The following GNAI1 variants were observed in gnomAD, a reference collection of about 807,000 sequenced individuals.
GNAI1 encodes the protein G protein subunit alpha i1, also known as guanine nucleotide-binding protein G(i) subunit alpha-1.
Under a neutral mutation model 38.9 loss-of-function variants are expected in GNAI1, and 11 were observed. That is an observed-to-expected ratio of 0.28 (90% CI 0.18 to 0.47). GNAI1 has a LOEUF of 0.47. Among genes scored for constraint, GNAI1 ranks in the 20% least tolerant of loss-of-function variants. The pLI is 0.99. For synonymous variants in GNAI1, 166 were observed against 145.1 expected (o/e 1.14, Z -1.04); for missense variants, 317 against 436.9 (o/e 0.73, Z 2.45).
chr7:80,167,583 A>G (rs1168056574), intron 1 of GNAI1, among the ~76,000 whole-genome samples: 5 of 152,226 alleles, frequency 3.3e-5, no homozygotes, highest in African/African-American at 1.2e-4. Context: ...CCCATCTGCA[A>G]TATATTAGAG....
chr7:80,177,591 C>G (rs1377426065), intron 1 of GNAI1, among the ~76,000 whole-genome samples: 1 of 152,120 alleles, frequency 6.6e-6, no homozygotes, highest in Non-Finnish European at 1.5e-5. Flanking sequence ...AGGTGATTCT[C>G]CCTCCATAGC....
intron 5 of GNAI1, among the ~76,000 whole-genome samples, chr7:80,208,679 G>A (rs531995956): frequency 6.6e-5 from 10 of 152,232 alleles, no homozygotes; most frequent in East Asian, 1.9e-4. Flanking sequence ...TTCCCTGTGC[G>A]TCTGGTTCCA....
intron 1 of GNAI1, among the ~76,000 whole-genome samples, chr7:80,166,293 A>G (rs536007463): frequency 6.6e-6 from 1 of 152,296 alleles, no homozygotes; most frequent in South Asian, 2.1e-4. Flanking sequence ...GAAACATGTA[A>G]TTGTGATATG....
chr7:80,189,632 T>G (rs1386063007), intron 3 of GNAI1, among the ~76,000 whole-genome samples: 1 of 152,220 alleles, frequency 6.6e-6, no homozygotes, highest in African/African-American at 2.4e-5. Flanking sequence ...ATGCCTAGAC[T>G]GAAAAGCAAT....
intron 3 of GNAI1, among the ~76,000 whole-genome samples, chr7:80,198,144 A>G (rs1044498136): frequency 1.3e-5 from 2 of 151,916 alleles, no homozygotes; most frequent in African/African-American, 4.8e-5. Context: ...TATGGTAGCT[A>G]CTATCCGCAT....
intron 1 of GNAI1, among the ~76,000 whole-genome samples, chr7:80,163,320 C>A (rs1412372135): frequency 6.6e-6 from 1 of 152,188 alleles, no homozygotes; most frequent in African/African-American, 2.4e-5. Context: ...TGGGTAGGTT[C>A]ATACCTGTTT....
At chr7:80,187,609 A>T (rs1191920566) in intron 1 of GNAI1, 2 of 152,208 alleles carry the variant, frequency 1.3e-5, no homozygotes, top group Admixed American at 6.5e-5. Context: ...GTAATGCTGA[A>T]CATGAAACTC....
At chr7:80,150,582 C>T (rs761286789) in intron 1 of GNAI1, among the ~76,000 whole-genome samples, 4 of 152,154 alleles carry the variant, frequency 2.6e-5, no homozygotes, top group Non-Finnish European at 5.9e-5. Context: ...GTGCTGGTTA[C>T]TTCTGAGGAG....
intron 5 of GNAI1, among the ~76,000 whole-genome samples, chr7:80,206,030 T>G (rs1467352423): frequency 6.6e-6 from 1 of 152,092 alleles, no homozygotes; most frequent in East Asian, 1.9e-4. Flanking sequence ...TCAGTTCATC[T>G]CATAAAGAAG....
rs1787393387 is a variant in GNAI1, at chr7:80,135,454, GTC to G, written c.118+183_118+184del. ...GCGGGTCCCCCTCTCCCGGTGTCTG[GTC>G]TCTCTCCGCCCCGGCGGGCGAGGAC... On this transcript the variant is annotated intron_variant, in intron 1 of 7. Transcript: ENST00000649796. 3 of 424,900 alleles carry G rather than the reference GTC, an allele frequency of 7.1e-6. No homozygotes were observed. In the East Asian group the frequency reaches 1.1e-4, roughly 15 times the overall value. 26.3% of individuals were successfully genotyped at this position (424,900 alleles called of 1,614,324 possible). A position where few individuals can be genotyped will look rare whatever the true frequency, so the allele number is the denominator to read the frequency against.
chr7:80,193,987 A>G (rs1305095354), intron 3 of GNAI1, among the ~76,000 whole-genome samples: 1 of 152,010 alleles, frequency 6.6e-6, no homozygotes, highest in Non-Finnish European at 1.5e-5. Flanking sequence ...CTCCTGCATA[A>G]TGGCCATTTT....
chr7:80,175,382 G>T lies in GNAI1; in HGVS notation c.119-13569G>T, dbSNP rs1788166413. Among the ~76,000 whole-genome samples the T allele has an allele frequency of 2.6e-5, 4 of 151,960 alleles. No individual in the cohort carries two copies. In the South Asian group the frequency reaches 8.3e-4, roughly 32 times the overall value. The stretch of plus-strand genomic sequence containing the variant: ...TATATTTATGTGTGTGTGTGTGTGT[G>T]TGTATAAAAATAATGAAAGACATCA... On this transcript the variant is annotated intron_variant, in intron 1 of 7. Coordinates refer to ENST00000649796, the MANE Select transcript of GNAI1 (RefSeq NM_002069.6).
intron 1 of GNAI1, among the ~76,000 whole-genome samples, chr7:80,183,732 C>T (rs1160161322): frequency 6.6e-6 from 1 of 152,058 alleles, no homozygotes; most frequent in Non-Finnish European, 1.5e-5. Context: ...CTATGCTACC[C>T]CCAACCAAAT....
chr7:80,143,192 C>T (rs1485121571), intron 1 of GNAI1, among the ~76,000 whole-genome samples: 1 of 152,090 alleles, frequency 6.6e-6, no homozygotes, highest in East Asian at 1.9e-4. Flanking sequence ...ATTAGCCTTA[C>T]CAGATCCTTA....
intron 1 of GNAI1, among the ~76,000 whole-genome samples, chr7:80,150,351 T>C (rs1787701851): frequency 6.6e-6 from 1 of 152,222 alleles, no homozygotes. Flanking sequence ...TGAAATACTA[T>C]GTTAGAACTA....
intron 1 of GNAI1, among the ~76,000 whole-genome samples, chr7:80,161,189 T>C (rs1787918906): frequency 6.6e-6 from 1 of 152,204 alleles, no homozygotes; most frequent in Non-Finnish European, 1.5e-5. Context: ...AAGCTCATTA[T>C]ATAGTACTTT....
chr7:80,207,702 G>T (rs536227756), intron 5 of GNAI1, among the ~76,000 whole-genome samples: 5 of 151,892 alleles, frequency 3.3e-5, no homozygotes, highest in South Asian at 2.1e-4. Context: ...TCATTTTGTG[G>T]TTTTTTTCGT....
intron 5 of GNAI1, among the ~76,000 whole-genome samples, chr7:80,205,003 C>T (rs1788749309): frequency 6.6e-6 from 1 of 151,994 alleles, no homozygotes; most frequent in Non-Finnish European, 1.5e-5. Flanking sequence ...GGCAGAAGTT[C>T]TTTTTTTAAA....
Position 80,149,916 on chromosome 7 carries a change from C to G in GNAI1, c.118+14638C>G, listed in dbSNP as rs948812639. On this transcript the variant is annotated intron_variant, in intron 1 of 7. Transcript: ENST00000649796. Reference sequence around the variant, plus strand: ...GAAGAAAAAAGGAAACTACAATAGACAAGATTGATTAATTCACGTTAGCAT... The same window carrying G: ...GAAGAAAAAAGGAAACTACAATAGAGAAGATTGATTAATTCACGTTAGCAT... Among the ~76,000 whole-genome samples, 6 of 152,178 alleles carry G rather than the reference C, an allele frequency of 3.9e-5. No individual in the cohort carries two copies. The East Asian group carries it at 9.7e-4, about 25-fold the overall frequency.
Sources: gnomAD v4.1 joint callset for allele counts (sites outside exome capture counted in the v4.1 genomes callset) on GRCh38, gnomAD v4.1.1 for gene constraint, MANE v1.5 for transcripts, NCBI Gene and HGNC (gene_info 2026-07-23, HGNC 2026-07-21) for gene names.